TMEM202: variants seen among roughly 807,000 people sequenced by gnomAD.
TMEM202 encodes transmembrane protein 202.
A neutral mutation model predicts 26.1 loss-of-function variants in TMEM202; 25 were observed. That is an observed-to-expected ratio of 0.96 (90% CI 0.70 to 1.34). The LOEUF is 1.34. TMEM202 is among the 40% of genes most tolerant of loss of function. The probability of loss-of-function intolerance (pLI) is 0.00; values close to 1 mark genes in which losing one functional copy is unlikely to be tolerated. For missense variants in TMEM202, 301 were observed against 327.7 expected, an observed-to-expected ratio of 0.92 and a Z score of 0.63; for synonymous variants, 122 against 119.0, an observed-to-expected ratio of 1.02 and a Z score of -0.16.
Position 72,398,422 on chromosome 15 carries a change from A to C in TMEM202, c.81+15A>C. On this transcript the variant is annotated intron_variant, in intron 1 of 4. Transcript: ENST00000341689. ...AATACCAAAGGGTGAGGAGGTATCT[A>C]ATTGAAAGTCAGATGGGAAGAAGAG... 1 of 1,597,246 alleles carries C rather than the reference A, an allele frequency of 6.3e-7. No homozygotes were observed. Among genetic ancestry groups the C allele is most frequent in the South Asian group, 1.1e-5 (1 of 88,574 alleles).
At chr15:72,406,147 A>C (rs1309602754) in intron 2 of TMEM202, among the ~76,000 whole-genome samples, 1 of 152,144 alleles carries the variant, frequency 6.6e-6, no homozygotes, top group Non-Finnish European at 1.5e-5. Context: ...TCTTAAGAAA[A>C]AAACCCACAT....
At chr15:72,407,632 T>A in intron 4 of TMEM202, 59 bp from the exon 5 acceptor site, 1 of 1,533,196 alleles carries the variant, frequency 6.5e-7, no homozygotes. Flanking sequence ...CATAAGAATT[T>A]TAAAAGCCAA....
rs745717780 is a variant in TMEM202, at chr15:72,398,687, C to T, written c.116C>T (p.Ser39Leu). Reference sequence around the variant, plus strand: ...CCTGCCAAGAAACATCCAAGTGCCTCGATGTCATGCCAAAGGCAGCAGCAG... The same window carrying T: ...CCTGCCAAGAAACATCCAAGTGCCTTGATGTCATGCCAAAGGCAGCAGCAG... ...TVPAKKHPSA[S>L]MSCQRQQQLM... Residue 39 changes from serine (S) to leucine (L), a missense_variant, in exon 2 of 5, where the codon TCG becomes TTG. Ser to Leu is a moderately radical substitution (Grantham distance 145, BLOSUM62 -2). Coordinates refer to ENST00000341689, the MANE Select transcript of TMEM202 (RefSeq NM_001080462.3). 9.3e-6 allele frequency: 15 copies of T among 1,614,050 alleles called. No individual in the cohort carries two copies. Among genetic ancestry groups the T allele is most frequent in the Admixed American group, 1.7e-5 (1 of 59,988 alleles).
chr15:72,408,176 C>A lies in TMEM202; in HGVS notation c.*283C>A, dbSNP rs2063582838. On this transcript the variant is annotated 3_prime_UTR_variant, in exon 5 of 5. Transcript: ENST00000341689. ...GATGCAGTGTGTAGACCAGAGACCT[C>A]TTTGGGTATCAGGGATCTCATGGAC... is the stretch of plus-strand genomic sequence containing the variant. The A allele has an allele frequency of 3.1e-6, 1 of 323,334 alleles. No individual in the cohort carries two copies. The allele number at this position is 323,334 out of a possible 1,614,324, so 20.0% of individuals were successfully genotyped here.
In TMEM202 at chr15:72,406,618, C is replaced by T; in HGVS notation, c.354C>T (p.Ser118=). The part of the protein sequence containing the change: ...TPKPPYYLQY[S]RAFFLISVFT... ...TTCATGCAGATTATCTCCAATATTC[C>T]AGGGCCTTCTTTCTCATCTCTGTCT... is the stretch of plus-strand genomic sequence containing the variant. Residue 118 remains serine, a synonymous_variant, in exon 3 of 5, where the codon TCC becomes TCT. Coordinates refer to ENST00000341689, the MANE Select transcript of TMEM202 (RefSeq NM_001080462.3). The T allele has an allele frequency of 1.2e-6, 2 of 1,613,824 alleles. No homozygotes were observed. Among genetic ancestry groups the T allele is most frequent in the African/African-American group, 2.7e-5 (2 of 74,972 alleles).
Position 72,407,886 on chromosome 15 carries a change from G to C in TMEM202, c.815G>C (p.Trp272Ser). 2.5e-6 allele frequency: 4 copies of C among 1,613,042 alleles called. No homozygotes were observed. The highest frequency in any genetic ancestry group is 3.4e-6 in the Non-Finnish European group (4 of 1,179,754). The change falls in exon 5 of 5, where the codon TGG becomes TCG. Residue 272 changes from tryptophan (W) to serine (S), a missense_variant. Trp to Ser is a radical substitution (Grantham distance 177). Transcript: ENST00000341689. ...AAAAATTTACCAAAGTCAGGACTGT[G>C]GTGGTGATAGGAAAACCTAACTATA... is the stretch of plus-strand genomic sequence containing the variant. Reference protein sequence around the residue: ...REKNLPKSGLWW With the variant: ...REKNLPKSGLSW
At chr15:72,402,256 G>A (rs1008562907) in intron 2 of TMEM202, among the ~76,000 whole-genome samples, 7 of 152,192 alleles carry the variant, frequency 4.6e-5, no homozygotes, top group Non-Finnish European at 8.8e-5. Context: ...ATGAGCCACT[G>A]CACCTGGCCT....
At position 72,407,826 on chromosome 15, in the gene TMEM202, C is replaced by A; in HGVS notation, c.755C>A (p.Pro252Gln). The A allele has an allele frequency of 6.2e-7, 1 of 1,614,028 alleles. No individual in the cohort carries two copies. The highest frequency in any genetic ancestry group is 8.5e-7 in the Non-Finnish European group (1 of 1,179,996). ...TTVSPAKDEG[P>Q]RSEMESLSVR... ...GTATCACCTGCTAAAGATGAAGGGC[C>A]AAGGTCTGAGATGGAATCTCTAAGT... The change falls in exon 5 of 5, where the codon CCA becomes CAA. Residue 252 changes from proline to glutamine, a missense_variant. Pro to Gln is a moderately conservative substitution (Grantham distance 76, BLOSUM62 -1). Coordinates refer to ENST00000341689, the MANE Select transcript of TMEM202 (RefSeq NM_001080462.3).
chr15:72,407,860 G>A lies in TMEM202; in HGVS notation c.789G>A (p.Glu263=). The A allele has an allele frequency of 1.2e-6, 2 of 1,613,960 alleles. No homozygotes were observed. Among genetic ancestry groups the A allele is most frequent in the Non-Finnish European group, 8.5e-7 (1 of 1,180,008 alleles). ...RSEMESLSVR[E]KNLPKSGLWW is the part of the protein sequence containing the mutation. ...AGATGGAATCTCTAAGTGTGAGAGA[G>A]AAAAATTTACCAAAGTCAGGACTGT... Residue 263 remains glutamate, a synonymous_variant, in exon 5 of 5, where the codon GAG becomes GAA. Transcript: ENST00000341689.
intron 3 of TMEM202, among the ~76,000 whole-genome samples, 158 bp downstream of exon 3, chr15:72,406,909 C>T (rs1461799948): frequency 2.6e-5 from 4 of 152,208 alleles, no homozygotes; most frequent in Non-Finnish European, 4.4e-5. Flanking sequence ...ATATAGAACA[C>T]ACCTTAGCTG....
At chr15:72,403,990 G>T (rs559720167) in intron 2 of TMEM202, among the ~76,000 whole-genome samples, 1 of 152,306 alleles carries the variant, frequency 6.6e-6, no homozygotes, top group South Asian at 2.1e-4. Context: ...CCTCATGGTA[G>T]AAGAGGAACT....
rs1408927633 is a variant in TMEM202 at position 72,398,857 on chromosome 15, T to C, written c.286T>C (p.Trp96Arg). The stretch of plus-strand genomic sequence containing the variant: ...TGGCCTTGAGCTCTACGCAGGACTC[T>C]GGACCTTATGCAACCATGAGCTGTG... Reference protein sequence around the residue: ...KNGLELYAGLWTLCNHELCWS... With the variant: ...KNGLELYAGLRTLCNHELCWS... The change falls in exon 2 of 5, where the codon TGG (tryptophan) becomes CGG (arginine). Residue 96 changes from tryptophan to arginine, a missense_variant. Trp to Arg is a moderately radical substitution (Grantham distance 101). Transcript: ENST00000341689. 1 of 1,613,954 alleles carries C rather than the reference T, an allele frequency of 6.2e-7. No homozygotes were observed. Among genetic ancestry groups the C allele is most frequent in the Admixed American group, 1.7e-5 (1 of 60,026 alleles).
At chr15:72,404,493 A>G (rs192452417) in intron 2 of TMEM202, among the ~76,000 whole-genome samples, 215 of 152,312 alleles carry the variant, frequency 1.4e-3, no homozygotes, top group African/African-American at 5.0e-3. Flanking sequence ...GCTGGACCTT[A>G]GGGGATTCCA....
intron 2 of TMEM202, 85 bp from the exon 3 acceptor site, chr15:72,406,517 C>A: frequency 1.8e-6 from 2 of 1,103,928 alleles, no homozygotes; most frequent in South Asian, 1.5e-5. Context: ...GTTCTTAAAT[C>A]CTTCTCTAAG....
At chr15:72,402,720 CT>C (rs907044178) in intron 2 of TMEM202, among the ~76,000 whole-genome samples, 2 of 152,092 alleles carry the variant, frequency 1.3e-5, no homozygotes, top group Non-Finnish European at 2.9e-5. Flanking sequence ...AAGGGTAAGT[CT>C]TTTTGTCAAG....
chr15:72,400,007 T>C (rs1038034809), intron 2 of TMEM202, among the ~76,000 whole-genome samples: 1 of 152,242 alleles, frequency 6.6e-6, no homozygotes, highest in East Asian at 1.9e-4. Flanking sequence ...CCATGGGCTG[T>C]GACATTTGAT....
chr15:72,404,503 AGAG>A (rs1267244792), intron 2 of TMEM202, among the ~76,000 whole-genome samples: 2 of 152,192 alleles, frequency 1.3e-5, no homozygotes, highest in African/African-American at 4.8e-5. Flanking sequence ...AGGGGATTCC[AGAG>A]GAGGCTGGGA....
Position 72,406,740 on chromosome 15 carries a change from G to C in TMEM202, c.476G>C (p.Ser159Thr). ...TTGGATCTGAAGGTATCCATGCTCA[G>C]CTTCATCTCAGGTACAGACCTAGAC... ...TNLDLKVSML[S>T]FISATCLLLC... The change falls in exon 3 of 5, where the codon AGC becomes ACC. Residue 159 changes from serine to threonine, a missense_variant. Transcript: ENST00000341689. 6.2e-7 allele frequency: 1 copy of C among 1,614,024 alleles called. No individual in the cohort carries two copies. The highest frequency in any genetic ancestry group is 8.5e-7 in the Non-Finnish European group (1 of 1,179,958).
intron 2 of TMEM202, among the ~76,000 whole-genome samples, chr15:72,405,339 A>C (rs1057425938): frequency 6.6e-6 from 1 of 152,230 alleles, no homozygotes; most frequent in Middle Eastern, 3.2e-3. Context: ...CTGGTAGCTC[A>C]GAAAAGCTAT....
Sources: gnomAD v4.1 joint callset for allele counts (sites outside exome capture counted in the v4.1 genomes callset) on GRCh38, gnomAD v4.1.1 for gene constraint, MANE v1.5 for transcripts, NCBI Gene and HGNC (gene_info 2026-07-23, HGNC 2026-07-21) for gene names.